NEURL1B: variants seen among roughly 807,000 people sequenced by gnomAD.
NEURL1B encodes the protein E3 ubiquitin-protein ligase NEURL1B.
A neutral mutation model predicts 37.4 loss-of-function variants in NEURL1B; 13 were observed. That is an observed-to-expected ratio of 0.35 (90% CI 0.23 to 0.55). The LOEUF (loss-of-function observed/expected upper bound fraction) is 0.55. Among genes scored for constraint, NEURL1B ranks in the 20% least tolerant of loss-of-function variants. NEURL1B has a pLI of 0.89. For synonymous variants in NEURL1B, 432 were observed against 426.6 expected, an observed-to-expected ratio of 1.01 and a Z score of -0.16; for missense variants, 790 against 879.2, an observed-to-expected ratio of 0.90 and a Z score of 1.28.
chr5:172,650,945 T>C (rs1757651911), intron 1 of NEURL1B, among the ~76,000 whole-genome samples: 1 of 152,086 alleles, frequency 6.6e-6, no homozygotes, highest in Non-Finnish European at 1.5e-5. Flanking sequence ...GAGCAGGTGA[T>C]CAGAATGATG....
chr5:172,668,304 C>T (rs2113301260), intron 1 of NEURL1B, among the ~76,000 whole-genome samples: 1 of 152,264 alleles, frequency 6.6e-6, no homozygotes, highest in South Asian at 2.1e-4. Context: ...ATGACTGAAA[C>T]CCCTTATGTT....
At chr5:172,659,458 G>A (rs559660426) in intron 1 of NEURL1B, among the ~76,000 whole-genome samples, 107 of 152,308 alleles carry the variant, frequency 7.0e-4, no homozygotes, top group African/African-American at 2.5e-3. Context: ...GGGCTGCCAG[G>A]AGGAGAAGCA....
In NEURL1B at chr5:172,683,911, C is replaced by G; in HGVS notation, c.1070C>G (p.Ala357Gly). ...PGVLRPNELP[A>G]DPDALLDRKE... is the part of the protein sequence containing the mutation. ...GTGCTACGGCCCAACGAGCTGCCCG[C>G]CGACCCAGACGCGCTGCTCGACCGC... is the stretch of plus-strand genomic sequence containing the variant. Residue 357 changes from alanine to glycine, a missense_variant, in exon 3 of 5, where the codon GCC becomes GGC. Transcript: ENST00000369800. This position sits in a 1 kb window ranked among gnomAD's most constrained non-coding sequence, Gnocchi z 5.6. 2 of 1,412,600 alleles carry G rather than the reference C, an allele frequency of 1.4e-6. No homozygotes were observed. Among genetic ancestry groups the G allele is most frequent in the South Asian group, 2.7e-5 (2 of 73,270 alleles). The allele number at this position is 1,412,600 out of a possible 1,614,324, so 87.5% of individuals were successfully genotyped here.
intron 2 of NEURL1B, among the ~76,000 whole-genome samples, chr5:172,680,605 A>G (rs1272932066): frequency 6.6e-6 from 1 of 152,176 alleles, no homozygotes; most frequent in Non-Finnish European, 1.5e-5. Context: ...TTCTGATTAT[A>G]AAAATCAATT....
At chr5:172,673,999 C>T (rs1030561106) in intron 2 of NEURL1B, among the ~76,000 whole-genome samples, 4 of 151,688 alleles carry the variant, frequency 2.6e-5, no homozygotes, top group Non-Finnish European at 4.4e-5. Flanking sequence ...AATTAACCAG[C>T]CACGGTGGCA....
At chr5:172,660,979 G>C (rs191909483) in intron 1 of NEURL1B, among the ~76,000 whole-genome samples, 20 of 152,230 alleles carry the variant, frequency 1.3e-4, no homozygotes, top group African/African-American at 4.3e-4. Context: ...ATGGAAAATG[G>C]AACTTTGTTG....
At chr5:172,651,674 A>G (rs1442896664) in intron 1 of NEURL1B, among the ~76,000 whole-genome samples, 1 of 152,250 alleles carries the variant, frequency 6.6e-6, no homozygotes, top group Non-Finnish European at 1.5e-5. Flanking sequence ...CTTTAACAGC[A>G]TCTCCAGCGT....
At chr5:172,643,846 T>C (rs987099313) in intron 1 of NEURL1B, among the ~76,000 whole-genome samples, 2 of 152,176 alleles carry the variant, frequency 1.3e-5, no homozygotes, top group African/African-American at 4.8e-5. Flanking sequence ...CCAGGCTTCC[T>C]GCATATGTGG....
chr5:172,654,286 G>A (rs924952281), intron 1 of NEURL1B, among the ~76,000 whole-genome samples: 5 of 152,194 alleles, frequency 3.3e-5, no homozygotes, highest in African/African-American at 7.2e-5. Flanking sequence ...CTCGCACTTT[G>A]AGCAGACCAA....
chr5:172,678,644 G>A (rs1272076972), intron 2 of NEURL1B, among the ~76,000 whole-genome samples: 1 of 151,358 alleles, frequency 6.6e-6, no homozygotes, highest in Non-Finnish European at 1.5e-5. Context: ...CCCCTTGGTT[G>A]GCCATTGGCA....
chr5:172,685,289 G>A lies in NEURL1B; in HGVS notation c.1298-882G>A, dbSNP rs1177917702. Among the ~76,000 whole-genome samples the A allele has an allele frequency of 2.6e-5, 4 of 152,322 alleles. No individual in the cohort carries two copies. The East Asian group carries it at 5.8e-4, about 22-fold the overall frequency. ...CTTCATGAGGGCAGAGGAGGAGCCG[G>A]GTGGCAGTGTGGTTATTTGGTCAGA... On this transcript the variant is annotated intron_variant, in intron 3 of 4. Transcript: ENST00000369800.
intron 1 of NEURL1B, among the ~76,000 whole-genome samples, chr5:172,659,047 CA>C (rs1298952078): frequency 1.7e-5 from 2 of 120,768 alleles, no homozygotes; most frequent in Non-Finnish European, 1.7e-5. Flanking sequence ...CCCCCCCCCC[CA>C]AAGCTTCCTT....
Position 172,684,261 on chromosome 5 carries a change from C to G in NEURL1B, c.1297+123C>G, listed in dbSNP as rs527409269. 40 of 899,228 alleles carry G rather than the reference C, an allele frequency of 4.4e-5. No individual in the cohort carries two copies. In the African/African-American group the frequency reaches 4.6e-4, roughly 10 times the overall value. 55.7% of individuals were successfully genotyped at this position (899,228 alleles called of 1,614,324 possible). A position where few individuals can be genotyped will look rare whatever the true frequency, so the allele number is the denominator to read the frequency against. Reference sequence around the variant, plus strand: ...GGCGCTGCACCGCCCGAGGCCAGCCCGCGGTTCCCAACTTTAAGCGCCCGG... The same window carrying G: ...GGCGCTGCACCGCCCGAGGCCAGCCGGCGGTTCCCAACTTTAAGCGCCCGG... On this transcript the variant is annotated intron_variant, in intron 3 of 4. Coordinates refer to ENST00000369800, the MANE Select transcript of NEURL1B (RefSeq NM_001142651.3).
intron 3 of NEURL1B, 100 bp downstream of exon 3, chr5:172,684,238 C>G: frequency 9.9e-7 from 1 of 1,013,360 alleles, no homozygotes; most frequent in East Asian, 3.9e-5. Flanking sequence ...TCTCGCTAGG[C>G]GCTGCACCGC....
At chr5:172,645,727 G>T (rs1757546890) in intron 1 of NEURL1B, among the ~76,000 whole-genome samples, 2 of 152,166 alleles carry the variant, frequency 1.3e-5, no homozygotes, top group African/African-American at 4.8e-5. Flanking sequence ...TGATTCTGTA[G>T]AATCAGAATC....
rs371501818 is a variant in NEURL1B, at chr5:172,648,377, ATAACCACTAACTTGTATCACG to A, written c.31+6964_31+6984del. ...TCTCAAGGGAGACAGACACAAAAGA[ATAACCACTAACTTGTATCACG>A]TAACCACTAACTTGTATCACGTAGC... On this transcript the variant is annotated intron_variant, in intron 1 of 4. Coordinates refer to ENST00000369800, the MANE Select transcript of NEURL1B (RefSeq NM_001142651.3). Among the ~76,000 whole-genome samples, 800 of 152,336 alleles carry A rather than the reference ATAACCACTAACTTGTATCACG, an allele frequency of 5.3e-3. 5 individuals carry two copies. Among genetic ancestry groups the A allele is most frequent in the African/African-American group, 0.018 (760 of 41,572 alleles).
At position 172,661,496 on chromosome 5, in the gene NEURL1B, C is replaced by T. The variant is rs996162636; in HGVS notation, c.32-8289C>T. ...CCTGGTCCTCTCAGACCCTCAGTTT[C>T]CTCATCTGGGAAATCAAGGTGGTAA... On this transcript the variant is annotated intron_variant, in intron 1 of 4. Coordinates refer to ENST00000369800, the MANE Select transcript of NEURL1B (RefSeq NM_001142651.3). The surrounding 1 kb of genome is among the most constrained non-coding windows in gnomAD (Gnocchi z 4.0). Among the ~76,000 whole-genome samples, 116 of 152,316 alleles carry T rather than the reference C, an allele frequency of 7.6e-4. 2 individuals carry two copies. The highest frequency in any genetic ancestry group is 7.4e-3 in the Admixed American group (114 of 15,304).
intron 1 of NEURL1B, among the ~76,000 whole-genome samples, chr5:172,649,430 T>C (rs1189519391): frequency 7.1e-6 from 1 of 141,046 alleles, no homozygotes; most frequent in East Asian, 2.2e-4. Flanking sequence ...GGTGCAATCT[T>C]GGCTCACTGC....
chr5:172,649,984 T>C (rs1041337449), intron 1 of NEURL1B, among the ~76,000 whole-genome samples: 17 of 152,316 alleles, frequency 1.1e-4, no homozygotes, highest in Middle Eastern at 3.4e-3. Context: ...GAAAGTTCTT[T>C]AATGACTAAG....
Sources: allele counts gnomAD v4.1 joint callset (sites outside exome capture counted in the v4.1 genomes callset), GRCh38; gene constraint gnomAD v4.1.1; non-coding constraint Gnocchi (gnomAD v3.1); transcripts MANE v1.5; gene names NCBI Gene and HGNC (gene_info 2026-07-23, HGNC 2026-07-21).